The following CELF5 variants were observed in gnomAD, a reference collection of about 807,000 sequenced individuals.
CELF5 encodes CUG-BP and ETR-3 like factor 5.
A neutral mutation model predicts 54.9 loss-of-function variants in CELF5; 6 were observed. The ratio of observed to expected loss-of-function variants is 0.11; its 90% CI spans 0.06 to 0.22. CELF5 has a LOEUF of 0.22. CELF5 is among the 10% of genes least tolerant of loss of function. The probability of loss-of-function intolerance (pLI) is 1.00; values close to 1 mark genes in which losing one functional copy is unlikely to be tolerated. For synonymous variants in CELF5, 271 were observed against 290.9 expected (o/e 0.93, Z 0.70); for missense variants, 401 against 678.6 (o/e 0.59, Z 4.54).
rs1194138580 is a variant in CELF5, at chr19:3,224,804, C to T, written c.65C>T (p.Ser22Leu). 3.3e-6 allele frequency: 5 copies of T among 1,534,902 alleles called. No homozygotes were observed. Among genetic ancestry groups the T allele is most frequent in the Non-Finnish European group, 8.8e-7 (1 of 1,141,614 alleles). The change falls in exon 1 of 13, where the codon TCG becomes TTG. Residue 22 changes from serine (S) to leucine (L), a missense_variant. Transcript: ENST00000292672. Reference sequence around the variant, plus strand: ...CAGCAGCTCCTGCAGCCGCGGCCCTCGCCCGTGGGCAGCAGCGGGCCCGAG... The same window carrying T: ...CAGCAGCTCCTGCAGCCGCGGCCCTTGCCCGTGGGCAGCAGCGGGCCCGAG... ...QQQQLLQPRP[S>L]PVGSSGPEPP...
intron 2 of CELF5, among the ~76,000 whole-genome samples, chr19:3,255,050 G>A (rs2145077581): frequency 6.6e-6 from 1 of 152,116 alleles, no homozygotes; most frequent in East Asian, 1.9e-4. Flanking sequence ...TTTTTATCAA[G>A]CACCTACTAT....
Position 3,268,021 on chromosome 19 carries a change from T to TG in CELF5, c.343-5849dup, listed in dbSNP as rs991659445. 3.9e-5 allele frequency among the ~76,000 whole-genome samples: 6 copies of TG among 152,216 alleles called. No individual in the cohort carries two copies. The highest frequency in any genetic ancestry group is 1.4e-4 in the African/African-American group (6 of 41,522). On this transcript the variant is annotated intron_variant, in intron 2 of 12. Coordinates refer to ENST00000292672, the MANE Select transcript of CELF5 (RefSeq NM_021938.4). The surrounding 1 kb of genome is among the most constrained non-coding windows in gnomAD (Gnocchi z 4.4). The stretch of plus-strand genomic sequence containing the variant: ...TTTGTTTTGTTTTGCTTTTTTGAGA[T>TG]GGAGTCTCGCTCTGTCGCCCAGGCT...
chr19:3,235,971 G>A (rs1917583683), intron 1 of CELF5, among the ~76,000 whole-genome samples: 1 of 152,146 alleles, frequency 6.6e-6, no homozygotes, highest in African/African-American at 2.4e-5. Flanking sequence ...GAAGCCGTAG[G>A]AGTCAAGATG....
chr19:3,238,615 G>A (rs2079449555), intron 1 of CELF5, among the ~76,000 whole-genome samples: 1 of 152,068 alleles, frequency 6.6e-6, no homozygotes, highest in South Asian at 2.1e-4. Flanking sequence ...CTGTGCGTCT[G>A]CGTCTCCTCT....
chr19:3,281,119 A>G lies in CELF5; in HGVS notation c.604-80A>G, dbSNP rs1440131900. The G allele has an allele frequency of 6.6e-7, 1 of 1,515,850 alleles. No individual in the cohort carries two copies. Among genetic ancestry groups the G allele is most frequent in the African/African-American group, 1.4e-5 (1 of 73,402 alleles). The allele number at this position is 1,515,850 out of a possible 1,614,324, so 93.9% of individuals were successfully genotyped here. On this transcript the variant is annotated intron_variant, in intron 5 of 12. Transcript: ENST00000292672. The surrounding 1 kb of genome is among the most constrained non-coding windows in gnomAD (Gnocchi z 6.5). ...TTACACCCCTCACCCAGGAGGCCTG[A>G]GCTAACATGAATCCAGGGACCCCAG...
intron 1 of CELF5, among the ~76,000 whole-genome samples, chr19:3,226,692 G>A (rs971179028): frequency 6.6e-6 from 1 of 151,956 alleles, no homozygotes; most frequent in Non-Finnish European, 1.5e-5. Flanking sequence ...GCATTGAAAG[G>A]CCGCTGGTTG....
chr19:3,250,431 G>A (rs1410952136), intron 1 of CELF5, among the ~76,000 whole-genome samples: 1 of 152,212 alleles, frequency 6.6e-6, no homozygotes, highest in Non-Finnish European at 1.5e-5. Context: ...AGAGCTTGCA[G>A]TGAGCCGAGA....
rs1326816295 is a variant in CELF5, at chr19:3,228,300, TC to T, written c.259+3307del. 6.6e-6 allele frequency among the ~76,000 whole-genome samples: 1 copy of T among 151,634 alleles called. No homozygotes were observed. Among genetic ancestry groups the T allele is most frequent in the African/African-American group, 2.4e-5 (1 of 41,230 alleles). On this transcript the variant is annotated intron_variant, in intron 1 of 12. Coordinates refer to ENST00000292672, the MANE Select transcript of CELF5 (RefSeq NM_021938.4). The surrounding 1 kb of genome is among the most constrained non-coding windows in gnomAD (Gnocchi z 6.0). ...ACTCCGCATCCAGAGAGCGGGGACC[TC>T]CCCCAGGAAGGACCCCCACCCCAGG... is the stretch of plus-strand genomic sequence containing the variant.
intron 10 of CELF5, among the ~76,000 whole-genome samples, chr19:3,289,681 CAAAAAAAAAAAAAAAAAA>C (rs35144942): frequency 6.2e-4 from 29 of 47,134 alleles, no homozygotes; most frequent in South Asian, 3.3e-3. Flanking sequence ...GACTCCATCT[CAAAAAAAAAAAAAAAAAA>C]AAAAAAAAAA....
At chr19:3,225,674 T>C in intron 1 of CELF5, 2 of 849,546 alleles carry the variant, frequency 2.4e-6, no homozygotes, top group Non-Finnish European at 2.8e-6. Flanking sequence ...CGCGCCCGCC[T>C]CGCCTGCCTC....
chr19:3,242,530 G>A (rs1411486851), intron 1 of CELF5, among the ~76,000 whole-genome samples: 1 of 152,096 alleles, frequency 6.6e-6, no homozygotes, highest in African/African-American at 2.4e-5. Flanking sequence ...AAAATGGCCG[G>A]GCGCAGTGAC....
intron 12 of CELF5, chr19:3,295,168 C>G (rs1278296399): frequency 6.6e-6 from 1 of 152,452 alleles, no homozygotes; most frequent in Non-Finnish European, 1.5e-5. Flanking sequence ...CCCTGCCCCT[C>G]TACTGGAGGC....
chr19:3,269,810 G>C (rs1042485247), intron 2 of CELF5, among the ~76,000 whole-genome samples: 1 of 152,004 alleles, frequency 6.6e-6, no homozygotes, highest in Non-Finnish European at 1.5e-5. Flanking sequence ...CGTCCACGCC[G>C]GAGTGCAGTG....
chr19:3,275,733 C>G lies in CELF5; in HGVS notation c.395-123C>G. The G allele has an allele frequency of 9.3e-7, 1 of 1,071,558 alleles. No individual in the cohort carries two copies. Among genetic ancestry groups the G allele is most frequent in the Non-Finnish European group, 1.3e-6 (1 of 771,004 alleles). 66.4% of individuals were successfully genotyped at this position (1,071,558 alleles called of 1,614,324 possible). A position where few individuals can be genotyped will look rare whatever the true frequency, so the allele number is the denominator to read the frequency against. On this transcript the variant is annotated intron_variant, in intron 3 of 12. Transcript: ENST00000292672. The surrounding 1 kb of genome is among the most constrained non-coding windows in gnomAD (Gnocchi z 6.7). ...TCCCTCGCACGCGCAGAACCGGAGC[C>G]GGCAGGGCCCGGGCGCCGCGTCTTC... is the stretch of plus-strand genomic sequence containing the variant.
At chr19:3,236,361 A>G (rs1200217456) in intron 1 of CELF5, among the ~76,000 whole-genome samples, 4 of 152,060 alleles carry the variant, frequency 2.6e-5, no homozygotes, top group Non-Finnish European at 5.9e-5. Context: ...CGTGGTTCCC[A>G]TTTGGTGGAT....
rs113708345 is a variant in CELF5, at chr19:3,228,995, T to C, written c.259+3997T>C. On this transcript the variant is annotated intron_variant, in intron 1 of 12. Transcript: ENST00000292672. The surrounding 1 kb of genome is among the most constrained non-coding windows in gnomAD (Gnocchi z 6.0). ...TGAGCGCGCCCCTCTCTGTGCCTCGTTTTCCCCTGCTGCATATTCTCTCCT... is the reference window on the plus strand; with the variant it reads ...TGAGCGCGCCCCTCTCTGTGCCTCGCTTTCCCCTGCTGCATATTCTCTCCT... 6.6e-6 allele frequency among the ~76,000 whole-genome samples: 1 copy of C among 151,622 alleles called. No homozygotes were observed. Among genetic ancestry groups the C allele is most frequent in the Non-Finnish European group, 1.5e-5 (1 of 67,904 alleles).
intron 2 of CELF5, among the ~76,000 whole-genome samples, chr19:3,267,197 T>C (rs1039309710): frequency 6.6e-6 from 1 of 152,074 alleles, no homozygotes; most frequent in Non-Finnish European, 1.5e-5. Flanking sequence ...TTTGCTTGAC[T>C]TTCCACTTCT....
intron 2 of CELF5, among the ~76,000 whole-genome samples, chr19:3,266,181 G>A (rs1661776192): frequency 6.6e-6 from 1 of 152,194 alleles, no homozygotes; most frequent in African/African-American, 2.4e-5. Context: ...GACGTTTCGG[G>A]TCATTGGGTC....
At chr19:3,293,694 A>C in intron 12 of CELF5, 2 of 481,664 alleles carry the variant, frequency 4.2e-6, no homozygotes, top group Non-Finnish European at 3.8e-6. Flanking sequence ...GAGGGTGGGA[A>C]TGGGGTAGGG....
Sources: gnomAD v4.1 joint callset for allele counts (sites outside exome capture counted in the v4.1 genomes callset) on GRCh38, gnomAD v4.1.1 for gene constraint, Gnocchi (gnomAD v3.1) non-coding constraint, MANE v1.5 for transcripts, NCBI Gene and HGNC (gene_info 2026-07-23, HGNC 2026-07-21) for gene names.